Variants in CPN1 observed in about 807,000 individuals in gnomAD.
CPN1 encodes carboxypeptidase N catalytic chain.
CPN1 carries 37 observed loss-of-function variants against 46.4 expected under a neutral mutation model. The observed-to-expected ratio is 0.80, with a 90% confidence interval of 0.61 to 1.05. CPN1 has a LOEUF of 1.05. Among genes scored for constraint, CPN1 ranks in the 50% least tolerant of loss-of-function variants. CPN1 has a pLI of 0.00. For synonymous variants in CPN1, 224 were observed against 235.4 expected (o/e 0.95, Z 0.44); for missense variants, 563 against 602.6 (o/e 0.93, Z 0.69).
chr10:100,059,407 C>T lies in CPN1; in HGVS notation c.872-2255G>A, dbSNP rs971731465. 2.6e-5 allele frequency among the ~76,000 whole-genome samples: 4 copies of T among 151,440 alleles called. No homozygotes were observed. In the East Asian group the frequency reaches 7.7e-4, roughly 29 times the overall value. On this transcript the variant is annotated intron_variant, in intron 5 of 8. Transcript: ENST00000370418. ...AACTCCTAAAACATAACAATAACAA[C>T]AACAACAAAACCCAAACAACTTGAT...
intron 3 of CPN1, among the ~76,000 whole-genome samples, chr10:100,067,242 A>G (rs1421088715): frequency 1.3e-5 from 2 of 151,896 alleles, no homozygotes; most frequent in Non-Finnish European, 2.9e-5. Context: ...TCAGCCTCCC[A>G]AGTAGCTGGG....
chr10:100,069,354 A>G (rs1243088432), intron 3 of CPN1, among the ~76,000 whole-genome samples: 1 of 151,938 alleles, frequency 6.6e-6, no homozygotes, highest in Admixed American at 6.6e-5. Flanking sequence ...GGTGGTGTGC[A>G]TCTTTAATCC....
At chr10:100,067,227 C>T (rs1167035826) in intron 3 of CPN1, among the ~76,000 whole-genome samples, 1 of 152,128 alleles carries the variant, frequency 6.6e-6, no homozygotes, top group African/African-American at 2.4e-5. Context: ...AGCAATTCTC[C>T]TGCTTCAGCC....
At chr10:100,075,432 T>G (rs552239724) in intron 2 of CPN1, among the ~76,000 whole-genome samples, 78 of 152,362 alleles carry the variant, frequency 5.1e-4, no homozygotes, top group African/African-American at 1.8e-3. Flanking sequence ...AATGTAGAAT[T>G]AGCCCCCTAC....
intron 4 of CPN1, among the ~76,000 whole-genome samples, chr10:100,064,469 C>T: frequency 6.6e-6 from 1 of 151,298 alleles, no homozygotes; most frequent in East Asian, 1.9e-4. Context: ...CAACCTCCGC[C>T]TCCCAGCTTC....
Position 100,063,682 on chromosome 10 carries a change from C to T in CPN1, c.803G>A (p.Gly268Asp). 6.2e-7 allele frequency: 1 copy of T among 1,614,088 alleles called. No homozygotes were observed. Among genetic ancestry groups the T allele is most frequent in the Non-Finnish European group, 8.5e-7 (1 of 1,180,000 alleles). ...TGGGAAGTAATCTCCGCAGTTCCAA[C>T]CTTGGAACATCCATCCATGTGCATA... ...YSYAHGWMFQ[G>D]WNCGDYFPDG... Residue 268 changes from glycine to aspartate, a missense_variant, in exon 5 of 9, where the codon GGT (glycine) becomes GAT (aspartate). Coordinates refer to ENST00000370418, the MANE Select transcript of CPN1 (RefSeq NM_001308.3).
chr10:100,044,136 A>G (rs2041294859), intron 8 of CPN1, among the ~76,000 whole-genome samples: 1 of 152,178 alleles, frequency 6.6e-6, no homozygotes, highest in South Asian at 2.1e-4. Context: ...CCCTTCCGCA[A>G]AAATTGATAG....
At chr10:100,079,064 T>C (rs1487021968) in intron 1 of CPN1, among the ~76,000 whole-genome samples, 5 of 152,254 alleles carry the variant, frequency 3.3e-5, no homozygotes, top group Non-Finnish European at 7.3e-5. Flanking sequence ...ATCCTTCAGC[T>C]CTCTGTTCAA....
At chr10:100,055,125 C>T (rs1183694981) in intron 6 of CPN1, among the ~76,000 whole-genome samples, 1 of 151,592 alleles carries the variant, frequency 6.6e-6, no homozygotes, top group Non-Finnish European at 1.5e-5. Flanking sequence ...GTAATCCTAG[C>T]TACTCAGGAG....
At chr10:100,074,331 G>A (rs1438082605) in intron 2 of CPN1, among the ~76,000 whole-genome samples, 1 of 152,166 alleles carries the variant, frequency 6.6e-6, no homozygotes, top group Admixed American at 6.5e-5. Flanking sequence ...TTCAAGATCT[G>A]CTCCCTCTGA....
At chr10:100,068,271 T>A (rs906252400) in intron 3 of CPN1, among the ~76,000 whole-genome samples, 1 of 145,088 alleles carries the variant, frequency 6.9e-6, no homozygotes, top group African/African-American at 2.6e-5. Context: ...TGGAGTGCAG[T>A]GGCACTATCT....
rs959375559 is a variant in CPN1 at position 100,076,033 on chromosome 10, A to G, written c.298T>C (p.Ser100Pro). The stretch of plus-strand genomic sequence containing the variant: ...CGGAACTCCTCGCACAGAAACTCCG[A>G]CAGCTGCAGCATCAGCTCGCGGCCC... Reference protein sequence around the residue: ...ALGRELMLQLSEFLCEEFRNR... With the variant: ...ALGRELMLQLPEFLCEEFRNR... Residue 100 changes from serine (S) to proline (P), a missense_variant, in exon 2 of 9, where the codon TCG (serine) becomes CCG (proline). Ser to Pro is a moderately conservative substitution (Grantham distance 74). Coordinates refer to ENST00000370418, the MANE Select transcript of CPN1 (RefSeq NM_001308.3). The G allele has an allele frequency of 1.2e-6, 2 of 1,613,994 alleles. No homozygotes were observed. Among genetic ancestry groups the G allele is most frequent in the Non-Finnish European group, 1.7e-6 (2 of 1,180,028 alleles).
intron 5 of CPN1, among the ~76,000 whole-genome samples, chr10:100,057,903 A>G (rs1389902630): frequency 6.6e-6 from 1 of 152,032 alleles, no homozygotes; most frequent in Non-Finnish European, 1.5e-5. Flanking sequence ...TTTACAGTGA[A>G]CTCTGGCGAG....
intron 2 of CPN1, among the ~76,000 whole-genome samples, chr10:100,073,924 CCATCTTTAAAGCCAGCCGTGTAA>C (rs1239143669): frequency 2.0e-5 from 3 of 152,060 alleles, no homozygotes; most frequent in African/African-American, 7.2e-5. Flanking sequence ...CAAGGCTCTT[CCATCTTTAAAGCCAGCCGTGTAA>C]CATCTTCAGA....
At chr10:100,066,933 C>T (rs2041457814) in intron 3 of CPN1, among the ~76,000 whole-genome samples, 1 of 152,218 alleles carries the variant, frequency 6.6e-6, no homozygotes, top group Non-Finnish European at 1.5e-5. Context: ...GTTCCTCTTC[C>T]TCAAGGATAT....
chr10:100,054,859 TTA>T lies in CPN1; in HGVS notation c.1012-415_1012-414del, dbSNP rs1359458839. 6.5e-3 allele frequency among the ~76,000 whole-genome samples: 862 copies of T among 133,458 alleles called. 2 individuals carry two copies. Among genetic ancestry groups the T allele is most frequent in the African/African-American group, 0.02 (740 of 36,884 alleles). 87.6% of individuals were successfully genotyped at this position (133,458 alleles called of 152,430 possible). ...TTTCTTTCTTTTTTTTTTTTTTTTT[TTA>T]ATTTTTTTTATTTGCTGTGACAGAC... is the stretch of plus-strand genomic sequence containing the variant. On this transcript the variant is annotated intron_variant, in intron 6 of 8. Transcript: ENST00000370418.
intron 2 of CPN1, among the ~76,000 whole-genome samples, chr10:100,070,107 T>C (rs1589477912): frequency 6.6e-6 from 1 of 151,796 alleles, no homozygotes; most frequent in African/African-American, 2.4e-5. Flanking sequence ...TATTCTTTTC[T>C]TTTTTTGGTA....
chr10:100,071,491 C>A (rs1033374526), intron 2 of CPN1, among the ~76,000 whole-genome samples: 19 of 152,092 alleles, frequency 1.2e-4, no homozygotes, highest in African/African-American at 4.1e-4. Flanking sequence ...CATCTCTATT[C>A]GCAAATTTCT....
rs540264587 is a variant in CPN1 at position 100,058,077 on chromosome 10, A to G, written c.872-925T>C. Among the ~76,000 whole-genome samples, 7 of 152,002 alleles carry G rather than the reference A, an allele frequency of 4.6e-5. No individual in the cohort carries two copies. The South Asian group carries it at 1.5e-3, about 32-fold the overall frequency. ...CCTCTATTTCTTTCTTTCCTCCATA[A>G]CATTTTTCCCAAGTTCCCAGTTCAC... On this transcript the variant is annotated intron_variant, in intron 5 of 8. Transcript: ENST00000370418.
Sources: gnomAD v4.1 joint callset for allele counts (sites outside exome capture counted in the v4.1 genomes callset) on GRCh38, gnomAD v4.1.1 for gene constraint, MANE v1.5 for transcripts, NCBI Gene and HGNC (gene_info 2026-07-23, HGNC 2026-07-21) for gene names.